Variants in NELFE observed in about 807,000 individuals in gnomAD.
NELFE encodes negative elongation factor complex member E.
A neutral mutation model predicts 55.5 loss-of-function variants in NELFE; 26 were observed. The ratio of observed to expected loss-of-function variants is 0.47; its 90% CI spans 0.34 to 0.65. The LOEUF is 0.65. NELFE is among the 30% of genes least tolerant of loss of function. The pLI, the probability that NELFE is intolerant of heterozygous loss-of-function variation, is 0.01. For missense variants in NELFE, 403 were observed against 506.9 expected, an observed-to-expected ratio of 0.80 and a Z score of 1.97; for synonymous variants, 162 against 178.0, an observed-to-expected ratio of 0.91 and a Z score of 0.72.
In NELFE at chr6:31,952,327, T is replaced by G. The variant is rs781245821; in HGVS notation, c.1117A>C (p.Lys373Gln). ...TQIVYSDDVY[K>Q]ENLVDGF ...TAGAAGCCATCCACAAGGTTTTCCT[T>G]GTAGACGTCATCACTGTAGACAATC... Residue 373 changes from lysine to glutamine, a missense_variant, in exon 11 of 11, where the codon AAG becomes CAG. By Grantham distance (53) the Lys-to-Gln change is moderately conservative. This residue lies in a region of NELFE where 77 missense variants were observed against 123.3 expected (regional missense o/e 0.62). Transcript: ENST00000375429. The G allele has an allele frequency of 6.2e-7, 1 of 1,614,114 alleles. No homozygotes were observed. The highest frequency in any genetic ancestry group is 1.7e-5 in the Admixed American group (1 of 60,020).
At chr6:31,955,448 ATTTTTT>A (rs72274522) in intron 4 of NELFE, among the ~76,000 whole-genome samples, 155 bp from the exon 5 acceptor site, 2 of 122,736 alleles carry the variant, frequency 1.6e-5, no homozygotes, top group Admixed American at 8.2e-5. Flanking sequence ...GGTTTTACTT[ATTTTTT>A]TTTTTTTTTT....
chr6:31,957,923 T>C (rs1772190375), intron 2 of NELFE, among the ~76,000 whole-genome samples: 1 of 152,098 alleles, frequency 6.6e-6, no homozygotes, highest in South Asian at 2.1e-4. Context: ...AAAAATTACT[T>C]CAAAAGAAGA....
At chr6:31,957,559 T>G in intron 2 of NELFE, 1 of 423,522 alleles carries the variant, frequency 2.4e-6, no homozygotes, top group Middle Eastern at 4.1e-4. Flanking sequence ...CCCGTATCTC[T>G]GCACAACACA....
chr6:31,954,343 G>C lies in NELFE; in HGVS notation c.842C>G (p.Ser281Cys). The C allele has an allele frequency of 6.2e-7, 1 of 1,613,734 alleles. No homozygotes were observed. Among genetic ancestry groups the C allele is most frequent in the Non-Finnish European group, 8.5e-7 (1 of 1,179,832 alleles). The change falls in exon 8 of 11, where the codon TCT (serine) becomes TGT (cysteine). Residue 281 changes from serine to cysteine, a missense_variant. By Grantham distance (112) the Ser-to-Cys change is moderately radical (BLOSUM62 -1). This residue lies in a region of NELFE where 229 missense variants were observed against 228.3 expected (regional missense o/e 1.00). Coordinates refer to ENST00000375429, the MANE Select transcript of NELFE (RefSeq NM_002904.6). This position sits in a 1 kb window ranked among gnomAD's most constrained non-coding sequence, Gnocchi z 5.5. ...MTPTLLRGAF[S>C]PFGNIIDLSM... ...GAGGTCAATGATGTTTCCAAAAGGA[G>C]AGAAGGCCCCACGGAGAAGGGTGGG...
rs1000946917 is a variant in NELFE, at chr6:31,952,413, G to A, written c.1046-15C>T. ...GTTCTGGACAGCTAGGGAGGGAGGA[G>A]AGGAACAGTTAAGGTCTAAAGGAGA... is the stretch of plus-strand genomic sequence containing the variant. On this transcript the variant is annotated splice_polypyrimidine_tract_variant and intron_variant, in intron 10 of 10. Coordinates refer to ENST00000375429, the MANE Select transcript of NELFE (RefSeq NM_002904.6). The A allele has an allele frequency of 2.5e-6, 4 of 1,589,558 alleles. No individual in the cohort carries two copies. Among genetic ancestry groups the A allele is most frequent in the Admixed American group, 1.7e-5 (1 of 59,766 alleles).
chr6:31,953,922 G>GA (rs1771909767), intron 9 of NELFE, 91 bp from the exon 10 acceptor site: 5 of 1,356,922 alleles, frequency 3.7e-6, no homozygotes, highest in African/African-American at 1.4e-5. Context: ...CCTAGGAGGA[G>GA]ACTGAATAAG....
At chr6:31,957,572 G>A (rs1396662592) in intron 2 of NELFE, 4 of 384,238 alleles carry the variant, frequency 1.0e-5, no homozygotes, top group Non-Finnish European at 2.0e-5. Context: ...ACAACACAGA[G>A]AGGAGAAGGG....
At chr6:31,958,816 A>T in intron 1 of NELFE, 76 bp downstream of exon 1, 2 of 665,658 alleles carry the variant, frequency 3.0e-6, no homozygotes, top group Non-Finnish European at 5.4e-6. Context: ...TAGCGCCCGC[A>T]GAGCAACGCA....
intron 4 of NELFE, among the ~76,000 whole-genome samples, 155 bp from the exon 5 acceptor site, chr6:31,955,448 ATT>A (rs72274522): frequency 1.9e-4 from 23 of 122,680 alleles, no homozygotes; most frequent in Admixed American, 3.3e-4. Flanking sequence ...GGTTTTACTT[ATT>A]TTTTTTTTTT....
intron 2 of NELFE, 178 bp downstream of exon 2, chr6:31,958,194 A>T: frequency 1.6e-6 from 1 of 629,790 alleles, no homozygotes; most frequent in South Asian, 1.8e-5. Flanking sequence ...ATTGCATAGA[A>T]AAGACAGAAG....
chr6:31,958,019 G>C (rs1772197091), intron 2 of NELFE, among the ~76,000 whole-genome samples: 1 of 152,220 alleles, frequency 6.6e-6, no homozygotes, highest in African/African-American at 2.4e-5. Flanking sequence ...AATTGGTGTA[G>C]TCAATCTTAT....
In NELFE at chr6:31,956,695, T is replaced by G. The variant is rs2151797289; in HGVS notation, c.289A>C (p.Lys97Gln). ...KRSRTLEGKL[K>Q]DPEKGPVPTF... ...ACAATCTTTCTGCTTGTGCTCACCTTTAACTTCCCCTCAAGGGTTCGAGAA... is the reference window on the plus strand; with the variant it reads ...ACAATCTTTCTGCTTGTGCTCACCTGTAACTTCCCCTCAAGGGTTCGAGAA... Residue 97 changes from lysine to glutamine, a missense_variant and splice_region_variant, in exon 4 of 11, where the codon AAG (lysine) becomes CAG (glutamine). Lys to Gln is a moderately conservative substitution (Grantham distance 53). Coordinates refer to ENST00000375429, the MANE Select transcript of NELFE (RefSeq NM_002904.6). 6.2e-7 allele frequency: 1 copy of G among 1,601,180 alleles called. No individual in the cohort carries two copies. Among genetic ancestry groups the G allele is most frequent in the Admixed American group, 1.7e-5 (1 of 59,782 alleles).
At chr6:31,953,998 T>G (rs1363933064) in intron 9 of NELFE, 82 bp downstream of exon 9, 1 of 1,504,078 alleles carries the variant, frequency 6.6e-7, no homozygotes, top group Non-Finnish European at 9.2e-7. Context: ...AGGAACCAAC[T>G]TCTTCCTGGC....
Position 31,952,195 on chromosome 6 carries a change from A to G in NELFE, c.*106T>C, listed in dbSNP as rs1771816018. The G allele has an allele frequency of 7.1e-7, 1 of 1,417,756 alleles. No homozygotes were observed. Among genetic ancestry groups the G allele is most frequent in the African/African-American group, 1.4e-5 (1 of 70,402 alleles). 87.8% of individuals were successfully genotyped at this position (1,417,756 alleles called of 1,614,324 possible). A position where few individuals can be genotyped will look rare whatever the true frequency, so the allele number is the denominator to read the frequency against. On this transcript the variant is annotated 3_prime_UTR_variant, in exon 11 of 11. Coordinates refer to ENST00000375429, the MANE Select transcript of NELFE (RefSeq NM_002904.6). ...TTTTAAAGGTTTAACCCCAATCCCA[A>G]GTGCTGAAAAACCAGAGGCTGAGGG...
intron 6 of NELFE, 39 bp downstream of exon 6, chr6:31,955,020 C>T: frequency 6.2e-7 from 1 of 1,613,548 alleles, no homozygotes; most frequent in Non-Finnish European, 8.5e-7. Context: ...AGGCAATCAA[C>T]TCCACCAAAT....
chr6:31,953,694 G>T, intron 10 of NELFE, 35 bp downstream of exon 10: 1 of 1,539,796 alleles, frequency 6.5e-7, no homozygotes, highest in Non-Finnish European at 9.0e-7. Flanking sequence ...TGGCCTGTGG[G>T]GGAGAGGATG....
intron 2 of NELFE, chr6:31,957,251 G>A: frequency 1.6e-6 from 1 of 608,968 alleles, no homozygotes; most frequent in Non-Finnish European, 2.9e-6. Flanking sequence ...TGAAGTTGAA[G>A]ACAAATAACT....
rs1236228132 is a variant in NELFE at position 31,956,929 on chromosome 6, CCT to C, written c.145+10_145+11del. 6.8e-6 allele frequency: 11 copies of C among 1,611,782 alleles called. No homozygotes were observed. Among genetic ancestry groups the C allele is most frequent in the Admixed American group, 3.3e-5 (2 of 59,986 alleles). ...CCACTTCCAGTCCATCCCCATTTCC[CCT>C]GTCACTCACAGCGTTTGACACCACC... On this transcript the variant is annotated intron_variant, in intron 3 of 10. Coordinates refer to ENST00000375429, the MANE Select transcript of NELFE (RefSeq NM_002904.6).
chr6:31,954,410 T>C lies in NELFE; in HGVS notation c.775A>G (p.Arg259Gly). 5.0e-6 allele frequency: 8 copies of C among 1,609,246 alleles called. No homozygotes were observed. The highest frequency in any genetic ancestry group is 6.8e-6 in the Non-Finnish European group (8 of 1,177,598). ...SDSFPERRAP[R>G]KGNTLYVYGE... ...TATACATAGAGAGTATTCCCTTTCC[T>C]AGGGGCTCGCCGTTCAGGGAATGAA... The change falls in exon 8 of 11, where the codon AGG becomes GGG. Residue 259 changes from arginine to glycine, a missense_variant. This residue lies in a region of NELFE where 229 missense variants were observed against 228.3 expected (regional missense o/e 1.00). Coordinates refer to ENST00000375429, the MANE Select transcript of NELFE (RefSeq NM_002904.6). The surrounding 1 kb of genome is among the most constrained non-coding windows in gnomAD (Gnocchi z 5.5).
Sources: allele counts gnomAD v4.1 joint callset (sites outside exome capture counted in the v4.1 genomes callset), GRCh38; gene constraint gnomAD v4.1.1; regional missense constraint gnomAD v4.1.1; non-coding constraint Gnocchi (gnomAD v3.1); transcripts MANE v1.5; gene names NCBI Gene and HGNC (gene_info 2026-07-23, HGNC 2026-07-21).